RBFOX1: variants seen among roughly 807,000 people sequenced by gnomAD.
RBFOX1 encodes the protein RNA binding protein fox-1 homolog 1.
In RBFOX1, 8 loss-of-function variants were observed where a neutral mutation model predicts 57.7. That is an observed-to-expected ratio of 0.14 (90% confidence interval 0.08 to 0.25). RBFOX1 has a LOEUF of 0.25. Ranked by LOEUF, RBFOX1 falls within the 10% of genes least tolerant of loss-of-function variation. The pLI, the probability that RBFOX1 is intolerant of heterozygous loss-of-function variation, is 1.00. For synonymous variants in RBFOX1, 326 were observed against 222.4 expected, an observed-to-expected ratio of 1.47 and a Z score of -4.15; for missense variants, 611 against 548.5, an observed-to-expected ratio of 1.11 and a Z score of -1.14.
intron 3 of RBFOX1, among the ~76,000 whole-genome samples, chr16:5,615,271 T>C (rs1449341825): frequency 1.3e-5 from 2 of 152,126 alleles, no homozygotes; most frequent in Admixed American, 6.5e-5. Flanking sequence ...ACTCAATTGA[T>C]CCTCCTGCCT....
chr16:7,683,331 C>A (rs1206199798), intron 14 of RBFOX1, among the ~76,000 whole-genome samples: 1 of 151,092 alleles, frequency 6.6e-6, no homozygotes, highest in Admixed American at 6.6e-5. Context: ...CACACAGAGA[C>A]AGACAGACAG....
intron 3 of RBFOX1, among the ~76,000 whole-genome samples, chr16:6,676,053 G>T (rs1379363092): frequency 2.0e-5 from 3 of 151,850 alleles, no homozygotes; most frequent in Admixed American, 6.6e-5. Flanking sequence ...AAGGAAAACT[G>T]AAGGGAAGTC....
At chr16:6,596,091 T>A (rs1475559807) in intron 2 of RBFOX1, among the ~76,000 whole-genome samples, 1 of 152,164 alleles carries the variant, frequency 6.6e-6, no homozygotes, top group Non-Finnish European at 1.5e-5. Context: ...TTACTTCTTA[T>A]ATGGGATTGT....
At chr16:5,328,374 T>C (rs1016451326) in intron 1 of RBFOX1, among the ~76,000 whole-genome samples, 4 of 152,072 alleles carry the variant, frequency 2.6e-5, no homozygotes, top group Non-Finnish European at 5.9e-5. Context: ...TAGAAAAAAA[T>C]CAAATCTACC....
At position 5,964,244 on chromosome 16, in the gene RBFOX1, G is replaced by A. The variant is rs555390002; in HGVS notation, c.351+96909G>A. Reference sequence around the variant, plus strand: ...ATGGCTGTTGTCCAAAGGCCAAAACGTAAGTGTTGGTGACGTTGTGGAGAA... The same window carrying A: ...ATGGCTGTTGTCCAAAGGCCAAAACATAAGTGTTGGTGACGTTGTGGAGAA... On this transcript the variant is annotated intron_variant, in intron 4 of 19. Coordinates refer to the RBFOX1 transcript ENST00000641259. Among the ~76,000 whole-genome samples, 23 of 152,246 alleles carry A rather than the reference G, an allele frequency of 1.5e-4. No individual in the cohort carries two copies. In the South Asian group the frequency reaches 2.9e-3, roughly 19 times the overall value.
At chr16:6,483,020 G>T (rs949624656) in intron 2 of RBFOX1, among the ~76,000 whole-genome samples, 19 of 152,248 alleles carry the variant, frequency 1.2e-4, no homozygotes, top group Admixed American at 1.0e-3. Flanking sequence ...GAAGGGACAC[G>T]TGCGGGCGAG....
chr16:5,323,194 A>T (rs2064462091), intron 1 of RBFOX1, among the ~76,000 whole-genome samples: 1 of 152,328 alleles, frequency 6.6e-6, no homozygotes, highest in Non-Finnish European at 1.5e-5. Context: ...AGAGAAATGC[A>T]TTTCTTGCCG....
At chr16:6,882,910 G>C (rs367915927) in intron 3 of RBFOX1, among the ~76,000 whole-genome samples, 9 of 152,100 alleles carry the variant, frequency 5.9e-5, no homozygotes, top group African/African-American at 1.7e-4. Flanking sequence ...CTTACCAGGA[G>C]TTATGAATTG....
intron 3 of RBFOX1, among the ~76,000 whole-genome samples, chr16:6,982,740 C>G (rs1440601200): frequency 6.6e-6 from 1 of 152,134 alleles, no homozygotes; most frequent in Non-Finnish European, 1.5e-5. Flanking sequence ...TGCCTGTAAT[C>G]CCAACACTTT....
At chr16:5,438,835 A>C (rs963133295) in intron 1 of RBFOX1, among the ~76,000 whole-genome samples, 1 of 152,086 alleles carries the variant, frequency 6.6e-6, no homozygotes, top group Non-Finnish European at 1.5e-5. Context: ...CTTTAGGGTC[A>C]AAATCCCGCC....
intron 3 of RBFOX1, among the ~76,000 whole-genome samples, chr16:5,780,975 G>T (rs2054305424): frequency 6.6e-6 from 1 of 152,208 alleles, no homozygotes; most frequent in South Asian, 2.1e-4. Context: ...CACCCTTGCG[G>T]GGTCCCGCTG....
chr16:5,676,074 C>T (rs2050160439), intron 3 of RBFOX1, among the ~76,000 whole-genome samples: 1 of 152,048 alleles, frequency 6.6e-6, no homozygotes, highest in African/African-American at 2.4e-5. Flanking sequence ...GAACGTCGCA[C>T]ACCAGGGCCT....
intron 4 of RBFOX1, among the ~76,000 whole-genome samples, chr16:5,944,916 A>G (rs2059366403): frequency 7.8e-6 from 1 of 127,786 alleles, no homozygotes; most frequent in Non-Finnish European, 1.6e-5. Context: ...CAATGAGCTG[A>G]GTTTGCGCCA....
chr16:6,261,616 A>G (rs1318161184), intron 1 of RBFOX1, among the ~76,000 whole-genome samples: 1 of 151,724 alleles, frequency 6.6e-6, no homozygotes, highest in Non-Finnish European at 1.5e-5. Flanking sequence ...AAATGTCCAC[A>G]TTATGGTGTT....
chr16:6,667,078 T>C (rs1326948962), intron 3 of RBFOX1, among the ~76,000 whole-genome samples: 4 of 152,170 alleles, frequency 2.6e-5, no homozygotes, highest in African/African-American at 9.7e-5. Flanking sequence ...CTTTCCTCTT[T>C]CATTTATTTT....
At chr16:5,674,540 G>T (rs1184612833) in intron 3 of RBFOX1, among the ~76,000 whole-genome samples, 1 of 152,196 alleles carries the variant, frequency 6.6e-6, no homozygotes, top group Non-Finnish European at 1.5e-5. Flanking sequence ...CAGAGCAAAG[G>T]TAGACAGAAG....
intron 3 of RBFOX1, among the ~76,000 whole-genome samples, chr16:7,002,636 T>C (rs1013045406): frequency 1.3e-5 from 2 of 152,044 alleles, no homozygotes; most frequent in Non-Finnish European, 2.9e-5. Flanking sequence ...CGCTTGAACC[T>C]GGGAGGCAGA....
chr16:7,334,954 A>G (rs759274385), intron 4 of RBFOX1, among the ~76,000 whole-genome samples: 1 of 152,206 alleles, frequency 6.6e-6, no homozygotes, highest in Non-Finnish European at 1.5e-5. Flanking sequence ...CCTCTAGACC[A>G]GCTGCTGTGA....
chr16:7,217,879 CATGTGTGTGCATGCGT>C (rs984120436), intron 4 of RBFOX1, among the ~76,000 whole-genome samples: 12 of 150,230 alleles, frequency 8.0e-5, no homozygotes, highest in African/African-American at 2.7e-4. Context: ...CGCGTGTGTG[CATGTGTGTGCATGCGT>C]ATGTGTGTGC....
Sources: gnomAD v4.1 joint callset for allele counts (sites outside exome capture counted in the v4.1 genomes callset) on GRCh38, gnomAD v4.1.1 for gene constraint, MANE v1.5 for transcripts, NCBI Gene and HGNC (gene_info 2026-07-23, HGNC 2026-07-21) for gene names.